GABRB1: variants seen among roughly 807,000 people sequenced by gnomAD.
The protein encoded by GABRB1 is gamma-aminobutyric acid receptor subunit beta-1.
A neutral mutation model predicts 51.6 loss-of-function variants in GABRB1; 17 were observed. The observed-to-expected ratio is 0.33, with a 90% CI of 0.23 to 0.49. The LOEUF (loss-of-function observed/expected upper bound fraction) is 0.49. Among genes scored for constraint, GABRB1 ranks in the 20% least tolerant of loss-of-function variants. The probability of loss-of-function intolerance (pLI) is 0.99; values close to 1 mark genes in which losing one functional copy is unlikely to be tolerated. For synonymous variants in GABRB1, 247 were observed against 218.9 expected (o/e 1.13, Z -1.14); for missense variants, 410 against 600.6 (o/e 0.68, Z 3.32).
At chr4:47,153,791 G>T (rs1486944028) in intron 3 of GABRB1, among the ~76,000 whole-genome samples, 1 of 152,028 alleles carries the variant, frequency 6.6e-6, no homozygotes, top group South Asian at 2.1e-4. Flanking sequence ...CTAACAAAAA[G>T]TCTGACTACA....
At chr4:47,214,872 C>T (rs1720494218) in intron 4 of GABRB1, among the ~76,000 whole-genome samples, 1 of 152,108 alleles carries the variant, frequency 6.6e-6, no homozygotes, top group Non-Finnish European at 1.5e-5. Flanking sequence ...TCTTCTTCTT[C>T]AGGAATAGAA....
chr4:47,091,489 A>C (rs188070928), intron 3 of GABRB1, among the ~76,000 whole-genome samples: 2 of 152,182 alleles, frequency 1.3e-5, no homozygotes, highest in African/African-American at 4.8e-5. Flanking sequence ...AAATTTTAGG[A>C]CCAAAGTAAG....
At chr4:47,393,209 A>T (rs1728066982) in intron 5 of GABRB1, among the ~76,000 whole-genome samples, 1 of 152,196 alleles carries the variant, frequency 6.6e-6, no homozygotes, top group South Asian at 2.1e-4. Flanking sequence ...TGAAAGGCCA[A>T]TCTGCACTGT....
chr4:47,091,402 A>G (rs920734708), intron 3 of GABRB1, among the ~76,000 whole-genome samples: 8 of 152,228 alleles, frequency 5.3e-5, no homozygotes, highest in African/African-American at 1.9e-4. Flanking sequence ...GCATAATTAT[A>G]AATATGTAAA....
intron 8 of GABRB1, 70 bp downstream of exon 8, chr4:47,406,996 T>A (rs958381218): frequency 4.2e-6 from 6 of 1,440,090 alleles, no homozygotes; most frequent in Middle Eastern, 3.7e-4. Context: ...CGGGCTCTCA[T>A]AACTTAAAAA....
Position 47,031,715 on chromosome 4 carries a change from G to T in GABRB1, c.64G>T (p.Val22Phe), listed in dbSNP as rs756514664. 4.3e-6 allele frequency: 7 copies of T among 1,613,568 alleles called. No individual in the cohort carries two copies. The highest frequency in any genetic ancestry group is 5.9e-6 in the Non-Finnish European group (7 of 1,179,682). Residue 22 changes from valine (V) to phenylalanine (F), a missense_variant, in exon 1 of 9, where the codon GTC (valine) becomes TTC (phenylalanine). This residue lies in a region of GABRB1 where 56 missense variants were observed against 54.8 expected (regional missense o/e 1.02). Coordinates refer to ENST00000295454, the MANE Select transcript of GABRB1 (RefSeq NM_000812.4). ...LLSFPVMITM[V>F]CCAHSTNEPS... ...CTCTTTCCCTGTGATGATTACCATG[G>T]TCTGTTGTGCACACAGGTGAGCTGC...
At chr4:47,260,059 G>A (rs1016727083) in intron 4 of GABRB1, among the ~76,000 whole-genome samples, 2 of 152,076 alleles carry the variant, frequency 1.3e-5, no homozygotes, top group African/African-American at 4.8e-5. Context: ...TTGTTGAATT[G>A]ATCCCTTTAC....
At chr4:47,378,456 CTG>C (rs1358311773) in intron 5 of GABRB1, among the ~76,000 whole-genome samples, 1 of 152,218 alleles carries the variant, frequency 6.6e-6, no homozygotes, top group African/African-American at 2.4e-5. Context: ...TCCCTGCAAG[CTG>C]AGAGAGCCGG....
intron 1 of GABRB1, among the ~76,000 whole-genome samples, chr4:47,000,505 C>T (rs529910479): frequency 1.3e-5 from 2 of 152,292 alleles, no homozygotes; most frequent in Non-Finnish European, 2.9e-5. Context: ...ATTTATGATA[C>T]TCTTTCACAG....
intron 4 of GABRB1, among the ~76,000 whole-genome samples, chr4:47,186,478 G>GA (rs959881355): frequency 1.3e-5 from 2 of 151,742 alleles, no homozygotes; most frequent in Non-Finnish European, 2.9e-5. Context: ...AAATGTCCTT[G>GA]AAAAATATCT....
At chr4:47,156,424 A>G (rs1022113781) in intron 3 of GABRB1, among the ~76,000 whole-genome samples, 4 of 152,046 alleles carry the variant, frequency 2.6e-5, no homozygotes, top group South Asian at 2.1e-4. Context: ...TGTGCATTGT[A>G]GTAAGTGAAG....
At chr4:47,343,108 G>A (rs1459534872) in intron 5 of GABRB1, among the ~76,000 whole-genome samples, 1 of 151,618 alleles carries the variant, frequency 6.6e-6, no homozygotes, top group Non-Finnish European at 1.5e-5. Flanking sequence ...GCTTGTGCAC[G>A]GCTAAATAGT....
intron 4 of GABRB1, among the ~76,000 whole-genome samples, chr4:47,223,911 C>T (rs1470208): frequency 0.36 from 54,050 of 151,842 alleles, 10,031 homozygotes; most frequent in African/African-American, 0.42. Context: ...AGAAGTTTCT[C>T]ATAAATCTCT....
chr4:47,302,841 T>C (rs545005534), intron 4 of GABRB1, among the ~76,000 whole-genome samples: 84 of 151,988 alleles, frequency 5.5e-4, no homozygotes, highest in Admixed American at 1.5e-3. Flanking sequence ...CAGGTTCCAA[T>C]TTCAGGTTAC....
chr4:47,079,251 T>A (rs1221555529), intron 3 of GABRB1, among the ~76,000 whole-genome samples: 1 of 151,996 alleles, frequency 6.6e-6, no homozygotes, highest in Non-Finnish European at 1.5e-5. Flanking sequence ...CTGGACTTTT[T>A]TTGGTTGGTA....
intron 3 of GABRB1, among the ~76,000 whole-genome samples, chr4:47,116,910 A>C (rs1715509311): frequency 6.6e-6 from 1 of 152,086 alleles, no homozygotes; most frequent in South Asian, 2.1e-4. Flanking sequence ...GGAGCAGGAG[A>C]GAGAGAAAGA....
chr4:47,092,243 G>C (rs1436863977), intron 3 of GABRB1, among the ~76,000 whole-genome samples: 1 of 138,008 alleles, frequency 7.2e-6, no homozygotes, highest in East Asian at 2.1e-4. Flanking sequence ...CATGATCTCG[G>C]CTCACTGCAA....
In GABRB1 at chr4:47,161,291, A is replaced by C. The variant is rs1284096979; in HGVS notation, c.283A>C (p.Lys95Gln). 1 of 1,612,216 alleles carries C rather than the reference A, an allele frequency of 6.2e-7. No individual in the cohort carries two copies. Among genetic ancestry groups the C allele is most frequent in the South Asian group, 1.1e-5 (1 of 91,046 alleles). The change falls in exon 4 of 9, where the codon AAA becomes CAA. Residue 95 changes from lysine to glutamine, a missense_variant. Transcript: ENST00000295454. ...GTATTTCCAGCAGTCTTGGAAAGAC[A>C]AAAGGCTTTCTTATTCTGGAATCCC... ...TMYFQQSWKD[K>Q]RLSYSGIPLN...
In GABRB1 at chr4:47,208,069, G is replaced by A. The variant is rs1578002022; in HGVS notation, c.461+46600G>A. Among the ~76,000 whole-genome samples, 7 of 152,144 alleles carry A rather than the reference G, an allele frequency of 4.6e-5. No homozygotes were observed. The South Asian group carries it at 1.5e-3, about 32-fold the overall frequency. On this transcript the variant is annotated intron_variant, in intron 4 of 8. Coordinates refer to ENST00000295454, the MANE Select transcript of GABRB1 (RefSeq NM_000812.4). ...AGCAGCATTATTCAACAGCCAAAAGGTGGAAACAACCCAAGTATCTATTGA... is the reference window on the plus strand; with the variant it reads ...AGCAGCATTATTCAACAGCCAAAAGATGGAAACAACCCAAGTATCTATTGA...
Sources: allele counts gnomAD v4.1 joint callset (sites outside exome capture counted in the v4.1 genomes callset), GRCh38; gene constraint gnomAD v4.1.1; regional missense constraint gnomAD v4.1.1; transcripts MANE v1.5; gene names NCBI Gene and HGNC (gene_info 2026-07-23, HGNC 2026-07-21).